Variants in HSD3B2 observed in about 807,000 individuals in gnomAD.
HSD3B2 encodes hydroxy-delta-5-steroid dehydrogenase, 3 beta- and steroid delta-isomerase 2.
A neutral mutation model predicts 9.9 loss-of-function variants in HSD3B2; 8 were observed. The ratio of observed to expected loss-of-function variants is 0.81; its 90% CI spans 0.47 to 1.46. The LOEUF (loss-of-function observed/expected upper bound fraction) is 1.46. HSD3B2 is among the 40% of genes most tolerant of loss of function. The probability of loss-of-function intolerance (pLI) is 0.00; values close to 1 mark genes in which losing one functional copy is unlikely to be tolerated. For synonymous variants in HSD3B2, 221 were observed against 184.5 expected, an observed-to-expected ratio of 1.20 and a Z score of -1.60; for missense variants, 410 against 448.3, an observed-to-expected ratio of 0.91 and a Z score of 0.77.
At chr1:119,419,723 G>A (rs1288985431) in intron 3 of HSD3B2, 141 bp downstream of exon 3, 13 of 827,892 alleles carry the variant, frequency 1.6e-5, no homozygotes, top group South Asian at 1.3e-4. Context: ...ACTGACTGGG[G>A]AGTTCAAGGC....
rs6208 is a variant in HSD3B2, at chr1:119,415,388, C to T, written c.-32C>T. ...CTCTCCAGCATCTTCTGTTTCCTGG[C>T]AAGTGTTTCCTGCTACTTTGGATTG... On this transcript the variant is annotated 5_prime_UTR_variant, in exon 2 of 4. Transcript: ENST00000369416. 2 of 1,612,548 alleles carry T rather than the reference C, an allele frequency of 1.2e-6. No homozygotes were observed. The highest frequency in any genetic ancestry group is 1.7e-6 in the Non-Finnish European group (2 of 1,179,012).
intron 2 of HSD3B2, among the ~76,000 whole-genome samples, chr1:119,417,016 G>T (rs587775203): frequency 2.4e-4 from 37 of 152,272 alleles, no homozygotes; most frequent in African/African-American, 7.0e-4. Flanking sequence ...CTGTGCTAAA[G>T]GTTTTGCATG....
rs137867568 is a variant in HSD3B2 at position 119,422,139 on chromosome 1, G to C, written c.638G>C (p.Ser213Thr). The C allele has an allele frequency of 3.8e-5, 61 of 1,614,116 alleles. No individual in the cohort carries two copies. In the African/African-American group the frequency reaches 6.8e-4, roughly 18 times the overall value. ...CTGAACAACAATGGGATCCTGTCAA[G>C]TGTTGGAAAGTTCTCTACAGTCAAC... ...EALNNNGILS[S>T]VGKFSTVNPV... is the part of the protein sequence containing the mutation. Residue 213 changes from serine to threonine, a missense_variant, in exon 4 of 4, where the codon AGT (serine) becomes ACT (threonine). Transcript: ENST00000369416.
chr1:119,415,619 G>A, intron 2 of HSD3B2, 58 bp downstream of exon 2: 1 of 1,585,532 alleles, frequency 6.3e-7, no homozygotes, highest in South Asian at 1.1e-5. Flanking sequence ...ATGGGTGTGG[G>A]GAGGTTGACC....
chr1:119,414,978 T>G (rs1345791300), upstream of HSD3B2: 10 of 218,866 alleles, frequency 4.6e-5, no homozygotes, highest in African/African-American at 2.3e-4. Context: ...TAAGATTGGA[T>G]TTCTCTTCCT....
chr1:119,419,698 C>A lies in HSD3B2; in HGVS notation c.307+116C>A, dbSNP rs587646198. On this transcript the variant is annotated intron_variant, in intron 3 of 3. Transcript: ENST00000369416. Reference sequence around the variant, plus strand: ...CACCTGCTGAGCTCTTGGCCAAGTGCCTTTGCTGATCACTACTGACTGGGG... The same window carrying A: ...CACCTGCTGAGCTCTTGGCCAAGTGACTTTGCTGATCACTACTGACTGGGG... 2.4e-5 allele frequency: 25 copies of A among 1,024,108 alleles called. No homozygotes were observed. In the African/African-American group the frequency reaches 3.0e-4, roughly 12 times the overall value. The allele number at this position is 1,024,108 out of a possible 1,614,324, so 63.4% of individuals were successfully genotyped here.
intron 2 of HSD3B2, among the ~76,000 whole-genome samples, chr1:119,418,851 C>G (rs1404117384): frequency 6.6e-6 from 1 of 151,904 alleles, no homozygotes; most frequent in Non-Finnish European, 1.5e-5. Context: ...AGGGTTTTGC[C>G]ATGTTTTCCA....
Position 119,415,528 on chromosome 1 carries a change from GC to G in HSD3B2, c.111del (p.Phe38SerfsTer5). ...GAAGGAGATCAGGGCCTTGGACAAG[GC>G]CTTCAGACCAGAATTGAGAGAGGAA... ...ELKEIRALDK[A>X]FRPELREEFS... On this transcript the variant is annotated frameshift_variant, in exon 2 of 4. Coordinates refer to ENST00000369416, the MANE Select transcript of HSD3B2 (RefSeq NM_000198.4). LOFTEE classifies it high-confidence loss of function. 1 of 1,613,896 alleles carries G rather than the reference GC, an allele frequency of 6.2e-7. No homozygotes were observed. The highest frequency in any genetic ancestry group is 8.5e-7 in the Non-Finnish European group (1 of 1,179,860).
At chr1:119,419,605 T>TA (rs777214540) in intron 3 of HSD3B2, 23 bp downstream of exon 3, 36 of 1,611,006 alleles carry the variant, frequency 2.2e-5, no homozygotes, top group Admixed American at 5.0e-5. Context: ...GGGGAGGAGA[T>TA]AAAACAAGTT....
Position 119,415,199 on chromosome 1 carries a change from T to C in HSD3B2, c.-93T>C. On this transcript the variant is annotated 5_prime_UTR_variant, in exon 1 of 4. Transcript: ENST00000369416. ...CTGTCCAGCTTTTAACAATCTAAGT[T>C]ACGGTTAGAGCTTTCTCCTTTTCTT... The C allele has an allele frequency of 1.9e-6, 1 of 529,442 alleles. No homozygotes were observed. 32.8% of individuals were successfully genotyped at this position (529,442 alleles called of 1,614,324 possible). A position where few individuals can be genotyped will look rare whatever the true frequency, so the allele number is the denominator to read the frequency against.
At position 119,422,548 on chromosome 1, in the gene HSD3B2, G is replaced by A. The variant is rs1490234089; in HGVS notation, c.1047G>A (p.Lys349=). The change falls in exon 4 of 4, where the codon AAG becomes AAA. Residue 349 remains lysine (K), a synonymous_variant. Coordinates refer to ENST00000369416, the MANE Select transcript of HSD3B2 (RefSeq NM_000198.4). The part of the protein sequence containing the change: ...YKPLYSWEEA[K]QKTVEWVGSL... The stretch of plus-strand genomic sequence containing the variant: ...CACTCTACAGCTGGGAGGAAGCCAA[G>A]CAGAAAACCGTGGAGTGGGTTGGTT... 8 of 1,613,982 alleles carry A rather than the reference G, an allele frequency of 5.0e-6. No individual in the cohort carries two copies. Among genetic ancestry groups the A allele is most frequent in the African/African-American group, 4.0e-5 (3 of 74,936 alleles).
chr1:119,419,953 G>C (rs587664541), intron 3 of HSD3B2: 6 of 327,364 alleles, frequency 1.8e-5, no homozygotes, highest in African/African-American at 8.6e-5. Context: ...TTGGCTCCCC[G>C]GGCCAGAATC....
intron 2 of HSD3B2, among the ~76,000 whole-genome samples, chr1:119,416,294 A>G (rs1392241044): frequency 6.6e-6 from 1 of 152,054 alleles, no homozygotes; most frequent in Non-Finnish European, 1.5e-5. Context: ...CCTCATTTAT[A>G]TTTCTCATAT....
chr1:119,415,997 A>G (rs1176179714), intron 2 of HSD3B2, among the ~76,000 whole-genome samples: 3 of 152,126 alleles, frequency 2.0e-5, no homozygotes, highest in African/African-American at 7.2e-5. Context: ...CTTCCTTAGT[A>G]TCTTTAGTGA....
rs587658718 is a variant in HSD3B2 at position 119,422,237 on chromosome 1, C to T, written c.736C>T (p.Pro246Ser). 3 of 1,614,060 alleles carry T rather than the reference C, an allele frequency of 1.9e-6. No homozygotes were observed. Among genetic ancestry groups the T allele is most frequent in the African/African-American group, 1.3e-5 (1 of 75,028 alleles). Residue 246 changes from proline (P) to serine (S), a missense_variant, in exon 4 of 4, where the codon CCA (proline) becomes TCA (serine). Pro to Ser is a moderately conservative substitution (Grantham distance 74). Coordinates refer to ENST00000369416, the MANE Select transcript of HSD3B2 (RefSeq NM_000198.4). ...GGCTCTGCGGGACCCCAAGAAGGCC[C>T]CAAGTGTCCGAGGTCAATTCTATTA... The part of the protein sequence containing the change: ...LRALRDPKKA[P>S]SVRGQFYYIS...
Position 119,415,152 on chromosome 1 carries a change from G to A in HSD3B2, c.-140G>A. ...GCTCCAGTCCTTCCTCCAGGGATGA[G>A]GCAGTAAGGACTTGGACTCCTCTGT... On this transcript the variant is annotated 5_prime_UTR_variant, in exon 1 of 4. Transcript: ENST00000369416. 2 of 446,964 alleles carry A rather than the reference G, an allele frequency of 4.5e-6. No homozygotes were observed. Among genetic ancestry groups the A allele is most frequent in the South Asian group, 4.2e-5 (2 of 47,618 alleles). The allele number at this position is 446,964 out of a possible 1,614,324, so 27.7% of individuals were successfully genotyped here. A position where few individuals can be genotyped will look rare whatever the true frequency, so the allele number is the denominator to read the frequency against.
In HSD3B2 at chr1:119,422,607, C is replaced by G; in HGVS notation, c.1106C>G (p.Ser369Cys). The G allele has an allele frequency of 6.2e-7, 1 of 1,613,934 alleles. No individual in the cohort carries two copies. Among genetic ancestry groups the G allele is most frequent in the East Asian group, 2.2e-5 (1 of 44,818 alleles). ...GACCGGCACAAGGAGACCCTGAAGTCCAAGACTCAGTGATTTAAGGATGAC... is the reference window on the plus strand; with the variant it reads ...GACCGGCACAAGGAGACCCTGAAGTGCAAGACTCAGTGATTTAAGGATGAC... The part of the protein sequence containing the change: ...LVDRHKETLK[S>C]KTQ Residue 369 changes from serine (S) to cysteine (C), a missense_variant, in exon 4 of 4, where the codon TCC becomes TGC. By Grantham distance (112) the Ser-to-Cys change is moderately radical (BLOSUM62 -1). Coordinates refer to ENST00000369416, the MANE Select transcript of HSD3B2 (RefSeq NM_000198.4).
chr1:119,417,030 T>C (rs1651728529), intron 2 of HSD3B2, among the ~76,000 whole-genome samples: 1 of 152,212 alleles, frequency 6.6e-6, no homozygotes, highest in African/African-American at 2.4e-5. Flanking sequence ...TTGCATGTGC[T>C]GACTCATTTA....
chr1:119,415,473 C>T lies in HSD3B2; in HGVS notation c.54C>T (p.Ile18=), dbSNP rs777605448. Residue 18 remains isoleucine (I), a synonymous_variant, in exon 2 of 4, where the codon ATC becomes ATT. Coordinates refer to ENST00000369416, the MANE Select transcript of HSD3B2 (RefSeq NM_000198.4). ...TGAGGLLGQR[I]VRLLVEEKEL... ...CAGGAGGGCTTCTGGGTCAGAGGATCGTCCGCCTGTTGGTGGAAGAGAAGG... is the reference window on the plus strand; with the variant it reads ...CAGGAGGGCTTCTGGGTCAGAGGATTGTCCGCCTGTTGGTGGAAGAGAAGG... 5.6e-6 allele frequency: 9 copies of T among 1,613,778 alleles called. No individual in the cohort carries two copies. The highest frequency in any genetic ancestry group is 1.1e-5 in the South Asian group (1 of 91,072).
Sources: allele counts gnomAD v4.1 joint callset (sites outside exome capture counted in the v4.1 genomes callset), GRCh38; gene constraint gnomAD v4.1.1; transcripts MANE v1.5; gene names NCBI Gene and HGNC (gene_info 2026-07-23, HGNC 2026-07-21).